The following SLCO3A1 variants were observed in gnomAD, a reference collection of about 807,000 sequenced individuals.
The protein encoded by SLCO3A1 is PGE1 transporter.
In SLCO3A1, 27 loss-of-function variants were observed where a neutral mutation model predicts 63.1. The ratio of observed to expected loss-of-function variants is 0.43; its 90% CI spans 0.32 to 0.59. The LOEUF (loss-of-function observed/expected upper bound fraction) is 0.59. SLCO3A1 is among the 20% of genes least tolerant of loss of function. SLCO3A1 has a pLI of 0.09. For missense variants in SLCO3A1, 773 were observed against 945.8 expected (o/e 0.82, Z 2.40); for synonymous variants, 473 against 409.9 (o/e 1.15, Z -1.86).
intron 2 of SLCO3A1, among the ~76,000 whole-genome samples, chr15:91,993,035 A>G (rs181295370): frequency 6.6e-6 from 1 of 152,246 alleles, no homozygotes; most frequent in Non-Finnish European, 1.5e-5. Flanking sequence ...ATTAGGTACA[A>G]CCTTTCTGGC....
intron 2 of SLCO3A1, among the ~76,000 whole-genome samples, chr15:92,072,136 T>C (rs1235214602): frequency 6.6e-6 from 1 of 152,024 alleles, no homozygotes; most frequent in East Asian, 1.9e-4. Flanking sequence ...TGGTGCAAAA[T>C]GGAGGCCTTT....
At chr15:92,035,399 C>A (rs1331855032) in intron 2 of SLCO3A1, among the ~76,000 whole-genome samples, 1 of 151,772 alleles carries the variant, frequency 6.6e-6, no homozygotes, top group African/African-American at 2.4e-5. Context: ...TACAGAAACC[C>A]AGATCTGTTT....
intron 2 of SLCO3A1, among the ~76,000 whole-genome samples, chr15:91,969,634 A>C (rs780840096): frequency 6.6e-6 from 1 of 152,126 alleles, no homozygotes; most frequent in Non-Finnish European, 1.5e-5. Flanking sequence ...TTGTCTTTCT[A>C]TCAAAAACAT....
In SLCO3A1 at chr15:92,038,451, G is replaced by A. The variant is rs145453406; in HGVS notation, c.647-56430G>A. On this transcript the variant is annotated intron_variant, in intron 2 of 9. Coordinates refer to ENST00000318445, the MANE Select transcript of SLCO3A1 (RefSeq NM_013272.4). ...GCAAAAATCACAAGCAATCCTATAC[G>A]CCAACAATAGACAAGCAGAGAGCCA... Among the ~76,000 whole-genome samples, 205 of 152,024 alleles carry A rather than the reference G, an allele frequency of 1.3e-3. 1 individual carries two copies. Among genetic ancestry groups the A allele is most frequent in the African/African-American group, 4.9e-3 (203 of 41,454 alleles).
intron 2 of SLCO3A1, among the ~76,000 whole-genome samples, chr15:91,973,091 G>C (rs1168803192): frequency 6.6e-6 from 1 of 152,256 alleles, no homozygotes; most frequent in Non-Finnish European, 1.5e-5. Context: ...CTCCAGTCTG[G>C]CAACAGAGCA....
intron 2 of SLCO3A1, among the ~76,000 whole-genome samples, chr15:91,977,566 A>G (rs573870261): frequency 6.6e-6 from 1 of 152,314 alleles, no homozygotes; most frequent in African/African-American, 2.4e-5. Flanking sequence ...CTATGAGGAC[A>G]TAAAGGCATA....
chr15:91,903,908 G>A (rs923242414), intron 1 of SLCO3A1, among the ~76,000 whole-genome samples: 8 of 152,230 alleles, frequency 5.3e-5, no homozygotes, highest in Non-Finnish European at 8.8e-5. Context: ...GTTGTACATG[G>A]ATGAGGATTG....
chr15:91,968,245 C>G lies in SLCO3A1; in HGVS notation c.646+51787C>G, dbSNP rs1900730343. ...AAAAGTCTGTATGCCCCCTCCCTAC[C>G]TTACAGTCTTTTACTTCTCCACCTG... On this transcript the variant is annotated intron_variant, in intron 2 of 9. Transcript: ENST00000318445. This position sits in a 1 kb window ranked among gnomAD's most constrained non-coding sequence, Gnocchi z 4.2. Among the ~76,000 whole-genome samples, 1 of 152,106 alleles carries G rather than the reference C, an allele frequency of 6.6e-6. No individual in the cohort carries two copies. Among genetic ancestry groups the G allele is most frequent in the Admixed American group, 6.5e-5 (1 of 15,280 alleles).
intron 2 of SLCO3A1, among the ~76,000 whole-genome samples, chr15:92,083,840 T>C (rs2047375100): frequency 6.6e-6 from 1 of 152,160 alleles, no homozygotes; most frequent in South Asian, 2.1e-4. Context: ...GAGGCACTAA[T>C]CACCCAAACC....
chr15:91,889,185 A>G, intron 1 of SLCO3A1: 1 of 1,285,852 alleles, frequency 7.8e-7, no homozygotes, highest in Non-Finnish European at 1.0e-6. Flanking sequence ...AACACTGGAG[A>G]TGCATGCTCC....
At chr15:91,981,152 C>T (rs74653312) in intron 2 of SLCO3A1, among the ~76,000 whole-genome samples, 3,716 of 152,218 alleles carry the variant, frequency 0.024, 156 homozygotes, top group African/African-American at 0.083. Flanking sequence ...GGGCAGTGGC[C>T]AGGCTGGGGT....
chr15:92,058,679 G>A (rs2047050457), intron 2 of SLCO3A1, among the ~76,000 whole-genome samples: 1 of 152,212 alleles, frequency 6.6e-6, no homozygotes, highest in Middle Eastern at 3.4e-3. Flanking sequence ...CAGAAACAAA[G>A]TACCATAAAC....
chr15:91,995,483 A>G (rs2046179750), intron 2 of SLCO3A1, among the ~76,000 whole-genome samples: 1 of 152,192 alleles, frequency 6.6e-6, no homozygotes, highest in Non-Finnish European at 1.5e-5. Flanking sequence ...AGACTCACAC[A>G]AGAATAGATT....
chr15:91,923,778 A>T (rs1898923985), intron 2 of SLCO3A1, among the ~76,000 whole-genome samples: 1 of 152,246 alleles, frequency 6.6e-6, no homozygotes, highest in South Asian at 2.1e-4. Context: ...CGTTTTGCTT[A>T]GTTAAAAACC....
At chr15:92,094,645 G>C (rs1040287084) in intron 2 of SLCO3A1, among the ~76,000 whole-genome samples, 2 of 152,178 alleles carry the variant, frequency 1.3e-5, no homozygotes, top group African/African-American at 2.4e-5. Context: ...CTAAAAGTAA[G>C]GGACACAAAT....
At chr15:91,857,525 C>T (rs887314633) in intron 1 of SLCO3A1, among the ~76,000 whole-genome samples, 2 of 151,512 alleles carry the variant, frequency 1.3e-5, no homozygotes, top group South Asian at 2.1e-4. Context: ...TAATTTTCTT[C>T]TACTTGGGTT....
At chr15:91,870,376 A>G (rs966907395) in intron 1 of SLCO3A1, among the ~76,000 whole-genome samples, 2 of 152,244 alleles carry the variant, frequency 1.3e-5, no homozygotes, top group Non-Finnish European at 2.9e-5. Flanking sequence ...ATGTTGCTGT[A>G]GAAGTGTCCA....
chr15:92,052,720 G>A (rs1433806662), intron 2 of SLCO3A1, among the ~76,000 whole-genome samples: 1 of 152,216 alleles, frequency 6.6e-6, no homozygotes, highest in Non-Finnish European at 1.5e-5. Context: ...GCATGTGGCT[G>A]CTGAGCACTT....
chr15:92,051,613 C>T lies in SLCO3A1; in HGVS notation c.647-43268C>T, dbSNP rs548360249. Among the ~76,000 whole-genome samples, 9 of 151,998 alleles carry T rather than the reference C, an allele frequency of 5.9e-5. No homozygotes were observed. The East Asian group carries it at 9.7e-4, about 16-fold the overall frequency. On this transcript the variant is annotated intron_variant, in intron 2 of 9. Coordinates refer to ENST00000318445, the MANE Select transcript of SLCO3A1 (RefSeq NM_013272.4). ...AGACCAGGAGCTTCAGTTTGGAGTA[C>T]GAATCAAGGAGGGGCTTTGGAGCAT...
Sources: allele counts gnomAD v4.1 joint callset (sites outside exome capture counted in the v4.1 genomes callset), GRCh38; gene constraint gnomAD v4.1.1; non-coding constraint Gnocchi (gnomAD v3.1); transcripts MANE v1.5; gene names NCBI Gene and HGNC (gene_info 2026-07-23, HGNC 2026-07-21).